Variants in LSAMP observed in about 807,000 individuals in gnomAD.
The protein encoded by LSAMP is limbic system-associated membrane protein.
Under a neutral mutation model 38.6 loss-of-function variants are expected in LSAMP, and 7 were observed. The ratio of observed to expected loss-of-function variants is 0.18; its 90% CI spans 0.10 to 0.34. LSAMP has a LOEUF of 0.34. LSAMP is among the 10% of genes least tolerant of loss of function. The probability of loss-of-function intolerance (pLI) is 1.00; values close to 1 mark genes in which losing one functional copy is unlikely to be tolerated. For synonymous variants in LSAMP, 154 were observed against 166.8 expected (o/e 0.92, Z 0.59); for missense variants, 313 against 420.0 (o/e 0.75, Z 2.23).
At chr3:116,081,234 C>T (rs1282307834) in intron 2 of LSAMP, among the ~76,000 whole-genome samples, 3 of 152,194 alleles carry the variant, frequency 2.0e-5, no homozygotes, top group Middle Eastern at 3.4e-3. Flanking sequence ...GAGGCTGAGG[C>T]GGGTGGATCA....
intron 3 of LSAMP, among the ~76,000 whole-genome samples, chr3:115,882,874 TAA>T (rs767327438): frequency 9.0e-4 from 137 of 152,058 alleles, no homozygotes; most frequent in South Asian, 1.5e-3. Context: ...CTCATGCTGA[TAA>T]AAAACAAAAC....
At chr3:116,069,872 C>T (rs958055634) in intron 2 of LSAMP, among the ~76,000 whole-genome samples, 3 of 151,976 alleles carry the variant, frequency 2.0e-5, no homozygotes, top group South Asian at 4.2e-4. Context: ...GAAACGCTGG[C>T]AATGAAGACT....
chr3:115,998,539 C>CA lies in LSAMP; in HGVS notation c.514+20975_514+20976insT, dbSNP rs201177869. ...CACTCAGAAAAACAACATCCTTGAC[C>CA]CTTGCATTGTCCTTGACCCAGAAGT... On this transcript the variant is annotated intron_variant, in intron 3 of 6. Transcript: ENST00000490035. 4.3e-3 allele frequency among the ~76,000 whole-genome samples: 652 copies of CA among 152,034 alleles called. 1 individual carries two copies. Among genetic ancestry groups the CA allele is most frequent in the African/African-American group, 0.015 (627 of 41,470 alleles).
chr3:115,980,502 G>C (rs1939326107), intron 3 of LSAMP, among the ~76,000 whole-genome samples: 2 of 152,114 alleles, frequency 1.3e-5, no homozygotes, highest in Non-Finnish European at 1.5e-5. Flanking sequence ...TCTACTTTGA[G>C]ATTATAGATA....
At chr3:116,207,684 G>T (rs2046089719) in intron 1 of LSAMP, among the ~76,000 whole-genome samples, 1 of 151,426 alleles carries the variant, frequency 6.6e-6, no homozygotes, top group South Asian at 2.1e-4. Flanking sequence ...GGCTGGATAT[G>T]AAATTCTGGG....
chr3:116,011,610 G>C (rs1374663499), intron 3 of LSAMP, among the ~76,000 whole-genome samples: 1 of 152,056 alleles, frequency 6.6e-6, no homozygotes, highest in Non-Finnish European at 1.5e-5. Context: ...CTTAGAAATA[G>C]TAGCAAAGGG....
At chr3:116,150,511 A>C (rs547899071) in intron 1 of LSAMP, among the ~76,000 whole-genome samples, 19 of 152,160 alleles carry the variant, frequency 1.2e-4, no homozygotes, top group African/African-American at 4.6e-4. Flanking sequence ...AATATCAACT[A>C]CACAGCAGCA....
chr3:116,313,554 A>C (rs979725201), intron 1 of LSAMP, among the ~76,000 whole-genome samples: 8 of 152,248 alleles, frequency 5.3e-5, no homozygotes, highest in African/African-American at 1.7e-4. Context: ...GGGGTTGGGC[A>C]CAGACTGAGA....
At chr3:115,970,901 T>C (rs1938996470) in intron 3 of LSAMP, among the ~76,000 whole-genome samples, 1 of 152,184 alleles carries the variant, frequency 6.6e-6, no homozygotes, top group Non-Finnish European at 1.5e-5. Context: ...TATTGATATG[T>C]GTTAGGGGTT....
intron 1 of LSAMP, among the ~76,000 whole-genome samples, chr3:116,190,755 A>G (rs963908775): frequency 3.9e-5 from 6 of 152,152 alleles, no homozygotes; most frequent in African/African-American, 1.2e-4. Flanking sequence ...GTGCTAGACA[A>G]TGGAGAATTA....
At position 116,425,284 on chromosome 3, in the gene LSAMP, C is replaced by A. The variant is rs541149123; in HGVS notation, c.155+19593G>T. ...TACTTATGACAAGGGAAAAATAGAT[C>A]CTCTATTGTCAACCTTTACCTTTGG... On this transcript the variant is annotated intron_variant, in intron 1 of 6. Coordinates refer to ENST00000490035, the MANE Select transcript of LSAMP (RefSeq NM_002338.5). Among the ~76,000 whole-genome samples the A allele has an allele frequency of 3.0e-4, 46 of 152,292 alleles. 1 individual carries two copies. The highest frequency in any genetic ancestry group is 2.9e-3 in the Admixed American group (45 of 15,304).
intron 6 of LSAMP, among the ~76,000 whole-genome samples, chr3:115,840,573 A>G (rs1934965208): frequency 1.3e-5 from 2 of 152,216 alleles, no homozygotes; most frequent in African/African-American, 4.8e-5. Context: ...TCAAACTGTC[A>G]CAGACTGAAG....
Position 116,445,037 on chromosome 3 carries a change from C to G in LSAMP, c.-6G>C, listed in dbSNP as rs1288028851. 4 of 1,608,458 alleles carry G rather than the reference C, an allele frequency of 2.5e-6. No individual in the cohort carries two copies. The highest frequency in any genetic ancestry group is 3.4e-6 in the Non-Finnish European group (4 of 1,176,158). ...GGCTGAACTCTCCTGACCATGGTGG[C>G]CACGCCGAGGTGCGGGTCCGCGGGG... is the stretch of plus-strand genomic sequence containing the variant. On this transcript the variant is annotated 5_prime_UTR_variant, in exon 1 of 7. Transcript: ENST00000490035.
intron 1 of LSAMP, among the ~76,000 whole-genome samples, chr3:116,158,076 G>A (rs774724879): frequency 2.6e-5 from 4 of 151,840 alleles, no homozygotes; most frequent in Non-Finnish European, 4.4e-5. Flanking sequence ...AATGTTATTC[G>A]TCATAAAAAC....
intron 3 of LSAMP, among the ~76,000 whole-genome samples, chr3:115,885,621 T>TGTCCCAGC: frequency 6.9e-6 from 1 of 145,886 alleles, no homozygotes; most frequent in African/African-American, 2.6e-5. Flanking sequence ...GGTAAACAAC[T>TGTCCCAGC]TTTGTGTGTG....
At chr3:115,975,233 A>C (rs557802375) in intron 3 of LSAMP, among the ~76,000 whole-genome samples, 2 of 152,236 alleles carry the variant, frequency 1.3e-5, no homozygotes, top group South Asian at 4.1e-4. Flanking sequence ...AAGCCTGGGC[A>C]ACACAGTGAG....
intron 1 of LSAMP, among the ~76,000 whole-genome samples, chr3:116,441,531 T>C (rs2049434878): frequency 6.6e-6 from 1 of 152,230 alleles, no homozygotes; most frequent in Non-Finnish European, 1.5e-5. Flanking sequence ...AAAGGTTGGT[T>C]TGAAATACCC....
chr3:116,187,970 A>G (rs553899442), intron 1 of LSAMP, among the ~76,000 whole-genome samples: 101 of 152,100 alleles, frequency 6.6e-4, no homozygotes, highest in Middle Eastern at 3.4e-3. Flanking sequence ...AATAGGCCCC[A>G]GGATGTTTTG....
chr3:115,834,236 T>A (rs1934710427), intron 6 of LSAMP, among the ~76,000 whole-genome samples: 1 of 152,118 alleles, frequency 6.6e-6, no homozygotes, highest in African/African-American at 2.4e-5. Flanking sequence ...GGCTAGAGAA[T>A]TTAACTGGCT....
Sources: gnomAD v4.1 joint callset for allele counts (sites outside exome capture counted in the v4.1 genomes callset) on GRCh38, gnomAD v4.1.1 for gene constraint, MANE v1.5 for transcripts, NCBI Gene and HGNC (gene_info 2026-07-23, HGNC 2026-07-21) for gene names.